INTS7: variants seen among roughly 807,000 people sequenced by gnomAD.
INTS7 encodes chromosome 1 open reading frame 73.
In INTS7, 46 loss-of-function variants were observed where a neutral mutation model predicts 109.2. The ratio of observed to expected loss-of-function variants is 0.42; its 90% CI spans 0.33 to 0.54. The LOEUF (loss-of-function observed/expected upper bound fraction) is 0.54, where lower values mean the gene tolerates loss of function less well. Among genes scored for constraint, INTS7 ranks in the 20% least tolerant of loss-of-function variants. The pLI is 0.07. For missense variants in INTS7, 929 were observed against 1,132.4 expected (o/e 0.82, Z 2.58); for synonymous variants, 412 against 402.9 (o/e 1.02, Z -0.27).
chr1:211,959,943 C>T lies in INTS7; in HGVS notation c.2183+6487G>A, dbSNP rs183307163. Among the ~76,000 whole-genome samples, 122 of 151,960 alleles carry T rather than the reference C, an allele frequency of 8.0e-4. No individual in the cohort carries two copies. The South Asian group carries it at 0.011, about 13-fold the overall frequency. On this transcript the variant is annotated intron_variant, in intron 16 of 19. Transcript: ENST00000366994. This position sits in a 1 kb window ranked among gnomAD's most constrained non-coding sequence, Gnocchi z 4.2. Reference sequence around the variant, plus strand: ...CATCCCAGACCTGCTAGTATCCTGCCGCGGTGGACAAGTGTGCATCCCGTT... The same window carrying T: ...CATCCCAGACCTGCTAGTATCCTGCTGCGGTGGACAAGTGTGCATCCCGTT...
chr1:211,957,831 T>C (rs890494062), intron 16 of INTS7, among the ~76,000 whole-genome samples: 17 of 152,230 alleles, frequency 1.1e-4, no homozygotes, highest in Admixed American at 3.3e-4. Context: ...TTTGGAGTTT[T>C]ATATTTTAGT....
chr1:211,952,852 G>C, intron 16 of INTS7, 151 bp from the exon 17 acceptor site: 2 of 766,954 alleles, frequency 2.6e-6, no homozygotes, highest in East Asian at 2.8e-5. Context: ...GCTAGGAGAG[G>C]GTAAGTAGTT....
Position 212,034,143 on chromosome 1 carries a change from C to A in INTS7, c.94+1201G>T, listed in dbSNP as rs150765642. Among the ~76,000 whole-genome samples the A allele has an allele frequency of 3.6e-3, 541 of 151,834 alleles. 5 individuals are homozygous for A. The highest frequency in any genetic ancestry group is 0.012 in the African/African-American group (506 of 41,358). On this transcript the variant is annotated intron_variant, in intron 1 of 19. Transcript: ENST00000366994. The stretch of plus-strand genomic sequence containing the variant: ...TTTTTTTTTTCAGAGGAGAAAACCC[C>A]TAAAGATTTGGTAAGAGAAGGAAAA...
chr1:212,004,670 T>C (rs55960291), intron 7 of INTS7, among the ~76,000 whole-genome samples: 46,764 of 152,148 alleles, frequency 0.31, 8,864 homozygotes, highest in Middle Eastern at 0.43. Context: ...GAAATTTATA[T>C]AGAATTGTCA....
At chr1:211,983,855 GT>G (rs35238656) in intron 8 of INTS7, among the ~76,000 whole-genome samples, 4,999 of 148,622 alleles carry the variant, frequency 0.034, 91 homozygotes, top group South Asian at 0.047. Flanking sequence ...GTTTTGTTTT[GT>G]TTTTTTTTTG....
chr1:212,011,436 AAC>A lies in INTS7; in HGVS notation c.510-17_510-16del. ...CAGCAAAATCCCTTTGGAAAAAGAGAACAGAGAACAGAAAAAACTTACATTTG... is the reference window on the plus strand; with the variant it reads ...CAGCAAAATCCCTTTGGAAAAAGAGAAGAGAACAGAAAAAACTTACATTTG... On this transcript the variant is annotated splice_polypyrimidine_tract_variant and intron_variant, in intron 4 of 19. Transcript: ENST00000366994. The A allele has an allele frequency of 1.3e-6, 2 of 1,534,032 alleles. No homozygotes were observed. The highest frequency in any genetic ancestry group is 1.8e-6 in the Non-Finnish European group (2 of 1,122,362).
chr1:212,011,488 G>T, intron 4 of INTS7, 67 bp from the exon 5 acceptor site: 1 of 985,304 alleles, frequency 1.0e-6, no homozygotes, highest in South Asian at 1.4e-5. Flanking sequence ...GGACTTAAAA[G>T]AAATAAAACA....
chr1:211,983,445 C>G (rs1664748582), intron 8 of INTS7, among the ~76,000 whole-genome samples: 1 of 152,124 alleles, frequency 6.6e-6, no homozygotes, highest in Admixed American at 6.6e-5. Flanking sequence ...AAATTCCATG[C>G]TATAGATTGC....
Position 211,975,180 on chromosome 1 carries a change from T to C in INTS7, c.1801A>G (p.Ile601Val). 6.2e-7 allele frequency: 1 copy of C among 1,611,304 alleles called. No homozygotes were observed. The highest frequency in any genetic ancestry group is 1.1e-5 in the South Asian group (1 of 90,992). ...AESLKFYHKG[I>V]ASLTAASTPL... ...AGAGGACTTACTGTTAAGGAAGCAATCCCTTTGTGATAGAATTTTAAAGAT... is the reference window on the plus strand; with the variant it reads ...AGAGGACTTACTGTTAAGGAAGCAACCCCTTTGTGATAGAATTTTAAAGAT... The change falls in exon 13 of 20, where the codon ATT (isoleucine) becomes GTT (valine). Residue 601 changes from isoleucine to valine, a missense_variant. Around this residue, in one of 2 missense-constraint regions of INTS7, gnomAD observed 787 missense variants for 901.1 expected, o/e 0.87. Coordinates refer to ENST00000366994, the MANE Select transcript of INTS7 (RefSeq NM_015434.4).
At chr1:212,008,752 C>T (rs946845838) in intron 5 of INTS7, among the ~76,000 whole-genome samples, 1 of 152,176 alleles carries the variant, frequency 6.6e-6, no homozygotes, top group South Asian at 2.1e-4. Context: ...ATCATTATAG[C>T]TTCTTAGACC....
chr1:211,968,534 C>A lies in INTS7; in HGVS notation c.1989G>T (p.Arg663Ser), dbSNP rs748294591. ...IAMTLGNDLQ[R>S]CGRISNQMKQ... The stretch of plus-strand genomic sequence containing the variant: ...ATGCCTGATTGGAGATGCGACCACA[C>A]CTCTGGAGGTCATTTCCTAAGGTCA... Residue 663 changes from arginine (R) to serine (S), a missense_variant, in exon 14 of 20, where the codon AGG becomes AGT. Physicochemically the swap from Arg to Ser is moderately radical, Grantham distance 110. Around this residue, in one of 2 missense-constraint regions of INTS7, gnomAD observed 787 missense variants for 901.1 expected, o/e 0.87. Transcript: ENST00000366994. 5.6e-6 allele frequency: 9 copies of A among 1,613,724 alleles called. No homozygotes were observed. The highest frequency in any genetic ancestry group is 7.6e-6 in the Non-Finnish European group (9 of 1,179,802).
At chr1:211,999,655 C>T (rs1665573629) in intron 7 of INTS7, among the ~76,000 whole-genome samples, 1 of 152,152 alleles carries the variant, frequency 6.6e-6, no homozygotes, top group African/African-American at 2.4e-5. Flanking sequence ...GAGAACAATA[C>T]AAGACATAAT....
chr1:211,978,892 C>T (rs979477046), intron 10 of INTS7, among the ~76,000 whole-genome samples: 1 of 152,066 alleles, frequency 6.6e-6, no homozygotes, highest in Non-Finnish European at 1.5e-5. Flanking sequence ...CAGCATCTCC[C>T]AGAATGAAAA....
rs890154672 is a variant in INTS7 at position 211,959,458 on chromosome 1, C to T, written c.2184-6757G>A. 6.6e-6 allele frequency among the ~76,000 whole-genome samples: 1 copy of T among 152,144 alleles called. No individual in the cohort carries two copies. The highest frequency in any genetic ancestry group is 1.5e-5 in the Non-Finnish European group (1 of 68,008). ...TAACTGGTAGTGAGCTCCAGCACAG[C>T]GGCCCAGCATGTGGACATGGGCCGG... On this transcript the variant is annotated intron_variant, in intron 16 of 19. Coordinates refer to ENST00000366994, the MANE Select transcript of INTS7 (RefSeq NM_015434.4). This position sits in a 1 kb window ranked among gnomAD's most constrained non-coding sequence, Gnocchi z 4.2.
At chr1:212,008,066 T>C (rs1001729153) in intron 5 of INTS7, among the ~76,000 whole-genome samples, 5 of 152,204 alleles carry the variant, frequency 3.3e-5, no homozygotes, top group African/African-American at 1.2e-4. Flanking sequence ...TTCTCAGTCG[T>C]AATGTACCAC....
At position 211,992,655 on chromosome 1, in the gene INTS7, C is replaced by T. The variant is rs139107035; in HGVS notation, c.880-4652G>A. ...CTACAATTGTGGTACAGCACTCCAG[C>T]TTGGGCAACAGGGTAAGACTCTGTC... On this transcript the variant is annotated intron_variant, in intron 7 of 19. Transcript: ENST00000366994. 1.0e-3 allele frequency among the ~76,000 whole-genome samples: 153 copies of T among 152,124 alleles called. 1 individual carries two copies. Among genetic ancestry groups the T allele is most frequent in the African/African-American group, 3.3e-3 (137 of 41,472 alleles).
In INTS7 at chr1:211,955,595, G is replaced by C. The variant is rs113977045; in HGVS notation, c.2184-2894C>G. Among the ~76,000 whole-genome samples the C allele has an allele frequency of 9.9e-5, 15 of 152,082 alleles. 1 individual carries two copies. Among genetic ancestry groups the C allele is most frequent in the African/African-American group, 3.6e-4 (15 of 41,520 alleles). ...CAAAGTCATTTCTAACTAAACTTTT[G>C]AAAATACAATGTAGGTAATTTAAAT... On this transcript the variant is annotated intron_variant, in intron 16 of 19. Coordinates refer to ENST00000366994, the MANE Select transcript of INTS7 (RefSeq NM_015434.4).
chr1:211,986,211 C>G (rs938240141), intron 8 of INTS7, among the ~76,000 whole-genome samples: 2 of 152,040 alleles, frequency 1.3e-5, no homozygotes, highest in African/African-American at 2.4e-5. Context: ...CAGCAGAAAG[C>G]CTTTCAATTT....
chr1:212,007,341 A>C lies in INTS7; in HGVS notation c.665T>G (p.Val222Gly). ...CATTTTGGTGGACGGATAGGATGTGACCAGCTGTTGTAAAAGCTGACGAGC... is the reference window on the plus strand; with the variant it reads ...CATTTTGGTGGACGGATAGGATGTGCCCAGCTGTTGTAAAAGCTGACGAGC... ...SSARQLLQQL[V>G]TSYPSTKMVI... is the part of the protein sequence containing the mutation. The change falls in exon 6 of 20, where the codon GTC becomes GGC. Residue 222 changes from valine to glycine, a missense_variant. By Grantham distance (109) the Val-to-Gly change is moderately radical. Transcript: ENST00000366994. 1 of 1,613,910 alleles carries C rather than the reference A, an allele frequency of 6.2e-7. No homozygotes were observed. The highest frequency in any genetic ancestry group is 1.1e-5 in the South Asian group (1 of 91,076).
Sources: allele counts gnomAD v4.1 joint callset (sites outside exome capture counted in the v4.1 genomes callset), GRCh38; gene constraint gnomAD v4.1.1; regional missense constraint gnomAD v4.1.1; non-coding constraint Gnocchi (gnomAD v3.1); transcripts MANE v1.5; gene names NCBI Gene and HGNC (gene_info 2026-07-23, HGNC 2026-07-21).